IKBKB: variants seen among roughly 807,000 people sequenced by gnomAD.
IKBKB encodes inhibitor of nuclear factor kappa B kinase subunit beta.
In IKBKB, 42 loss-of-function variants were observed where a neutral mutation model predicts 113.6. The ratio of observed to expected loss-of-function variants is 0.37; its 90% CI spans 0.29 to 0.48. The LOEUF is 0.48. Ranked by LOEUF, IKBKB falls within the 20% of genes least tolerant of loss-of-function variation. The probability of loss-of-function intolerance (pLI) is 0.99; values close to 1 mark genes in which losing one functional copy is unlikely to be tolerated. For synonymous variants in IKBKB, 296 were observed against 361.3 expected, an observed-to-expected ratio of 0.82 and a Z score of 2.05; for missense variants, 673 against 939.7, an observed-to-expected ratio of 0.72 and a Z score of 3.71.
intron 20 of IKBKB, 33 bp from the exon 21 acceptor site, chr8:42,329,091 A>G (rs199627786): frequency 3.3e-5 from 52 of 1,554,272 alleles, no homozygotes; most frequent in Non-Finnish European, 4.0e-5. Flanking sequence ...ACTAATAATG[A>G]CCACTTTCTA....
chr8:42,290,347 CTTT>C, intron 4 of IKBKB, 74 bp downstream of exon 4: 1 of 967,894 alleles, frequency 1.0e-6, no homozygotes, highest in South Asian at 1.3e-5. Flanking sequence ...ATGGGGAGAC[CTTT>C]CACTTCTGTC....
intron 5 of IKBKB, among the ~76,000 whole-genome samples, chr8:42,300,605 G>A (rs149943918): frequency 7.6e-4 from 116 of 152,162 alleles, no homozygotes; most frequent in African/African-American, 2.3e-3. Context: ...GCTGTGATTC[G>A]GAGCTGTGAT....
intron 19 of IKBKB, 112 bp downstream of exon 19, chr8:42,322,606 C>A: frequency 1.8e-6 from 2 of 1,104,066 alleles, no homozygotes; most frequent in South Asian, 1.4e-5. Flanking sequence ...CAGCAGCCCA[C>A]TCAGCTGCTG....
At chr8:42,304,493 A>G (rs1423531368) in intron 5 of IKBKB, among the ~76,000 whole-genome samples, 1 of 152,044 alleles carries the variant, frequency 6.6e-6, no homozygotes, top group Non-Finnish European at 1.5e-5. Context: ...CTTTCTTCCA[A>G]CTAGATTCTG....
intron 15 of IKBKB, chr8:42,319,905 C>T (rs1298391926): frequency 2.5e-6 from 1 of 407,946 alleles, no homozygotes; most frequent in South Asian, 6.5e-5. Flanking sequence ...GTTAGGTTCC[C>T]TTGGGGAAAA....
At chr8:42,313,406 G>A (rs1395114370) in intron 8 of IKBKB, among the ~76,000 whole-genome samples, 1 of 152,034 alleles carries the variant, frequency 6.6e-6, no homozygotes, top group African/African-American at 2.4e-5. Flanking sequence ...AGTTATGATT[G>A]TGCCACTGCA....
Position 42,329,345 on chromosome 8 carries a change from C to T in IKBKB, c.2205+131C>T, listed in dbSNP as rs563205793. ...TGTTTGTTTGCTTGTTTATTTGTGA[C>T]AGGGTCTCTCTCTCTCACCCAGGCT... On this transcript the variant is annotated intron_variant, in intron 21 of 21. Transcript: ENST00000520810. 13 of 1,312,346 alleles carry T rather than the reference C, an allele frequency of 9.9e-6. No homozygotes were observed. In the African/African-American group the frequency reaches 1.5e-4, roughly 15 times the overall value. 81.3% of individuals were successfully genotyped at this position (1,312,346 alleles called of 1,614,324 possible).
rs544164026 is a variant in IKBKB at position 42,322,766 on chromosome 8, T to C, written c.1986+272T>C. On this transcript the variant is annotated intron_variant, in intron 19 of 21. Transcript: ENST00000520810. ...ACTGAGGGGCTAAAACAACAGAAATTTGGGCTAGGCATGGTGACTCATGCC... is the reference window on the plus strand; with the variant it reads ...ACTGAGGGGCTAAAACAACAGAAATCTGGGCTAGGCATGGTGACTCATGCC... 7.2e-5 allele frequency among the ~76,000 whole-genome samples: 11 copies of C among 152,288 alleles called. No homozygotes were observed. In the South Asian group the frequency reaches 2.3e-3, roughly 32 times the overall value.
At chr8:42,305,366 T>G (rs1816308326) in intron 6 of IKBKB, 91 bp downstream of exon 6, 1 of 753,518 alleles carries the variant, frequency 1.3e-6, no homozygotes, top group Non-Finnish European at 2.3e-6. Context: ...TATTTGTGTG[T>G]ATTTGCATTT....
chr8:42,297,246 G>T (rs1436178093), intron 5 of IKBKB, among the ~76,000 whole-genome samples: 1 of 152,184 alleles, frequency 6.6e-6, no homozygotes, highest in Non-Finnish European at 1.5e-5. Context: ...TTTTTGCAAG[G>T]ATCTGGTGAC....
chr8:42,331,751 G>A lies in IKBKB; in HGVS notation c.*772G>A, dbSNP rs1821711582. ...TCTGAATCCCAAAAATTACTTGGGG[G>A]TGATTGTCACAGAGGAGGGACAGAA... On this transcript the variant is annotated 3_prime_UTR_variant, in exon 22 of 22. Transcript: ENST00000520810. 2.8e-6 allele frequency: 1 copy of A among 353,206 alleles called. No individual in the cohort carries two copies. The allele number at this position is 353,206 out of a possible 1,614,324, so 21.9% of individuals were successfully genotyped here.
At chr8:42,286,524 TC>T (rs981618324) in intron 2 of IKBKB, among the ~76,000 whole-genome samples, 8 of 152,168 alleles carry the variant, frequency 5.3e-5, no homozygotes, top group Non-Finnish European at 7.3e-5. Flanking sequence ...AGGGTCTTAC[TC>T]TGTTGCCCAG....
At chr8:42,315,621 T>C (rs891257624) in intron 9 of IKBKB, among the ~76,000 whole-genome samples, 3 of 152,114 alleles carry the variant, frequency 2.0e-5, no homozygotes, top group East Asian at 3.9e-4. Context: ...GCCTATAAAG[T>C]GTATTTTTAA....
chr8:42,280,479 G>A (rs914767057), intron 2 of IKBKB, among the ~76,000 whole-genome samples: 2 of 152,218 alleles, frequency 1.3e-5, no homozygotes, highest in Non-Finnish European at 2.9e-5. Flanking sequence ...TTTTGGGAGT[G>A]GGGGCGGGAA....
rs139533224 is a variant in IKBKB at position 42,318,544 on chromosome 8, G to C, written c.1241-8G>C. The C allele has an allele frequency of 1.2e-6, 2 of 1,612,382 alleles. No individual in the cohort carries two copies. Among genetic ancestry groups the C allele is most frequent in the African/African-American group, 1.3e-5 (1 of 74,874 alleles). The stretch of plus-strand genomic sequence containing the variant: ...TTCTTTGACAATTGCTTGTGTCTCT[G>C]TCTCCAGTTCAAGAGCCCAAGAGGA... On this transcript the variant is annotated splice_polypyrimidine_tract_variant and splice_region_variant and intron_variant, in intron 12 of 21. Coordinates refer to ENST00000520810, the MANE Select transcript of IKBKB (RefSeq NM_001556.3).
chr8:42,311,161 C>T (rs559900390), intron 8 of IKBKB, among the ~76,000 whole-genome samples: 1 of 152,360 alleles, frequency 6.6e-6, no homozygotes, highest in African/African-American at 2.4e-5. Context: ...CTGCCCCTTT[C>T]ACCACATCCT....
At chr8:42,315,119 A>C (rs915967661) in intron 9 of IKBKB, among the ~76,000 whole-genome samples, 3 of 152,338 alleles carry the variant, frequency 2.0e-5, no homozygotes, top group African/African-American at 7.2e-5. Flanking sequence ...TGTCACAGTC[A>C]ACAAATAAAT....
At chr8:42,311,221 G>C (rs1000992332) in intron 8 of IKBKB, among the ~76,000 whole-genome samples, 10 of 152,196 alleles carry the variant, frequency 6.6e-5, no homozygotes, top group African/African-American at 2.4e-4. Flanking sequence ...AACAAAACAT[G>C]AATGTTTTCA....
At chr8:42,299,045 T>G (rs9284010) in intron 5 of IKBKB, among the ~76,000 whole-genome samples, 32,279 of 152,070 alleles carry the variant, frequency 0.21, 7,960 homozygotes, top group African/African-American at 0.6. Flanking sequence ...AATTCAACCC[T>G]GAACTCATCC....
Sources: allele counts gnomAD v4.1 joint callset (sites outside exome capture counted in the v4.1 genomes callset), GRCh38; gene constraint gnomAD v4.1.1; transcripts MANE v1.5; gene names NCBI Gene and HGNC (gene_info 2026-07-23, HGNC 2026-07-21).